The following GALNT13 variants were observed in gnomAD, a reference collection of about 807,000 sequenced individuals.
The protein encoded by GALNT13 is UDP-GalNAc:polypeptide N-acetylgalactosaminyltransferase 13.
GALNT13 carries 28 observed loss-of-function variants against 64.2 expected under a neutral mutation model. The ratio of observed to expected loss-of-function variants is 0.44; its 90% CI spans 0.32 to 0.60. The LOEUF (loss-of-function observed/expected upper bound fraction) is 0.60, where lower values mean the gene tolerates loss of function less well. Ranked by LOEUF, GALNT13 falls within the 20% of genes least tolerant of loss-of-function variation. GALNT13 has a pLI of 0.05. For synonymous variants in GALNT13, 214 were observed against 224.6 expected (o/e 0.95, Z 0.42); for missense variants, 577 against 669.8 (o/e 0.86, Z 1.53).
the GALNT13 span, among the ~76,000 whole-genome samples, chr2:153,850,184 AAAAAAGAAAAAG>A: frequency 2.9e-4 from 2 of 6,848 alleles, no homozygotes; most frequent in East Asian, 5.1e-4. Context: ...GTCTAAAAAA[AAAAAAGAAAAAG>A]AAAAAGAAAA....
chr2:154,327,801 C>T (rs921389467), intron 9 of GALNT13, among the ~76,000 whole-genome samples: 1 of 152,020 alleles, frequency 6.6e-6, no homozygotes, highest in African/African-American at 2.4e-5. Flanking sequence ...CATTTAAAGA[C>T]AATCATTGGA....
intron 3 of GALNT13, among the ~76,000 whole-genome samples, chr2:154,097,997 T>TGGAG (rs2105455452): frequency 6.6e-6 from 1 of 151,882 alleles, no homozygotes; most frequent in East Asian, 1.9e-4. Flanking sequence ...AGTGGCAGAC[T>TGGAG]GGAGACGTGA....
intron 2 of GALNT13, among the ~76,000 whole-genome samples, chr2:153,936,459 C>T (rs577199178): frequency 8.6e-4 from 131 of 152,154 alleles, no homozygotes; most frequent in African/African-American, 3.0e-3. Context: ...CAAATATGAC[C>T]CAGTTTAGTT....
the GALNT13 span, among the ~76,000 whole-genome samples, chr2:153,246,833 A>G: frequency 1.3e-5 from 2 of 152,220 alleles, no homozygotes; most frequent in African/African-American, 2.4e-5. Flanking sequence ...AAATACCTCA[A>G]TTAAAAGACA....
At chr2:153,568,121 G>T in the GALNT13 span, among the ~76,000 whole-genome samples, 1 of 152,174 alleles carries the variant, frequency 6.6e-6, no homozygotes, top group Non-Finnish European at 1.5e-5. Context: ...TCTAGTTCTG[G>T]ATTTATTCTT....
downstream of GALNT13, among the ~76,000 whole-genome samples, chr2:154,454,797 C>G (rs707087): frequency 0.21 from 31,666 of 152,022 alleles, 3,314 homozygotes; most frequent in East Asian, 0.3. Flanking sequence ...ACAGGAACAT[C>G]CAAGCATCAT....
chr2:153,662,877 C>G, the GALNT13 span, among the ~76,000 whole-genome samples: 1 of 152,142 alleles, frequency 6.6e-6, no homozygotes, highest in Non-Finnish European at 1.5e-5. Flanking sequence ...CTGTGCACAG[C>G]TAGTTTTCCA....
the GALNT13 span, among the ~76,000 whole-genome samples, chr2:153,553,869 C>T: frequency 1.3e-5 from 2 of 152,058 alleles, no homozygotes; most frequent in Non-Finnish European, 2.9e-5. Flanking sequence ...GCTACAGGGG[C>T]TCTGCGGAGG....
chr2:153,719,819 G>C, the GALNT13 span, among the ~76,000 whole-genome samples: 357 of 151,694 alleles, frequency 2.4e-3, 2 homozygotes, highest in African/African-American at 8.1e-3. Flanking sequence ...TACGCCCACG[G>C]AATCTCGCTG....
the GALNT13 span, among the ~76,000 whole-genome samples, chr2:153,383,920 G>A: frequency 6.6e-6 from 1 of 152,020 alleles, no homozygotes; most frequent in African/African-American, 2.4e-5. Flanking sequence ...TCTATTTGAA[G>A]CATGGTGGAT....
At chr2:153,667,827 G>A in the GALNT13 span, among the ~76,000 whole-genome samples, 741 of 152,210 alleles carry the variant, frequency 4.9e-3, 4 homozygotes, top group Non-Finnish European at 8.0e-3. Flanking sequence ...AAGACAAAGA[G>A]TAACAAGCTG....
chr2:154,139,155 A>C (rs1340662759), intron 3 of GALNT13, among the ~76,000 whole-genome samples: 1 of 152,026 alleles, frequency 6.6e-6, no homozygotes, highest in Non-Finnish European at 1.5e-5. Context: ...AAAGTCATCA[A>C]CTGGATGGTC....
intron 3 of GALNT13, among the ~76,000 whole-genome samples, chr2:154,025,701 A>G (rs1697906966): frequency 6.6e-6 from 1 of 152,186 alleles, no homozygotes; most frequent in African/African-American, 2.4e-5. Flanking sequence ...CTCACTCTGT[A>G]CCAAACATTT....
chr2:153,835,200 A>G, the GALNT13 span, among the ~76,000 whole-genome samples: 1 of 152,034 alleles, frequency 6.6e-6, no homozygotes, highest in African/African-American at 2.4e-5. Flanking sequence ...ATATACTTAA[A>G]AGAACCTGAA....
At chr2:153,538,411 T>G in the GALNT13 span, among the ~76,000 whole-genome samples, 1 of 139,420 alleles carries the variant, frequency 7.2e-6, no homozygotes, top group Non-Finnish European at 1.5e-5. Context: ...ATTATTATAC[T>G]TTAAGTTTTA....
At chr2:154,229,045 A>G (rs1445108579) in intron 4 of GALNT13, among the ~76,000 whole-genome samples, 1 of 151,932 alleles carries the variant, frequency 6.6e-6, no homozygotes, top group East Asian at 1.9e-4. Flanking sequence ...TACCCGGGGC[A>G]AGCCTCTTGT....
chr2:153,358,770 T>G, the GALNT13 span, among the ~76,000 whole-genome samples: 58 of 152,188 alleles, frequency 3.8e-4, no homozygotes, highest in African/African-American at 1.4e-3. Flanking sequence ...TGTTTCTTTA[T>G]ATCTAATTTT....
intron 8 of GALNT13, among the ~76,000 whole-genome samples, chr2:154,295,369 T>TTTA (rs1257604349): frequency 2.7e-5 from 4 of 150,262 alleles, no homozygotes; most frequent in Non-Finnish European, 5.9e-5. Flanking sequence ...TATTTATTTA[T>TTTA]TTATTTATTT....
chr2:153,937,556 G>A lies in GALNT13; in HGVS notation c.-104-6838G>A, dbSNP rs376451095. Among the ~76,000 whole-genome samples the A allele has an allele frequency of 2.5e-4, 38 of 152,260 alleles. 1 individual carries two copies. The South Asian group carries it at 7.9e-3, about 32-fold the overall frequency. On this transcript the variant is annotated intron_variant, in intron 2 of 12. Transcript: ENST00000392825. ...AAGGAAATGCCCTAAAATTGATTGT[G>A]GTGATAGACACACAATGTGTGACTA... is the stretch of plus-strand genomic sequence containing the variant.
Sources: allele counts gnomAD v4.1 joint callset (sites outside exome capture counted in the v4.1 genomes callset), GRCh38; gene constraint gnomAD v4.1.1; transcripts MANE v1.5; gene names NCBI Gene and HGNC (gene_info 2026-07-23, HGNC 2026-07-21).